Variants in CREB1 observed in about 807,000 individuals in gnomAD.
CREB1 encodes cAMP responsive element binding protein 1.
A neutral mutation model predicts 42.0 loss-of-function variants in CREB1; 2 were observed. The ratio of observed to expected loss-of-function variants is 0.05; its 90% CI spans 0.02 to 0.15. CREB1 has a LOEUF of 0.15. Ranked by LOEUF, CREB1 falls within the 10% of genes least tolerant of loss-of-function variation. The pLI is 1.00. For missense variants in CREB1, 199 were observed against 388.9 expected (o/e 0.51, Z 4.11); for synonymous variants, 123 against 139.9 (o/e 0.88, Z 0.85).
intron 1 of CREB1, among the ~76,000 whole-genome samples, chr2:207,552,366 T>C (rs960745938): frequency 6.6e-6 from 1 of 152,124 alleles, no homozygotes; most frequent in African/African-American, 2.4e-5. Context: ...CAATGTGTTG[T>C]AAATAAAAAT....
rs1250974563 is a variant in CREB1 at position 207,596,840 on chromosome 2, A to G, written c.840-74A>G. On this transcript the variant is annotated intron_variant, in intron 7 of 7. Coordinates refer to ENST00000353267, the MANE Select transcript of CREB1 (RefSeq NM_004379.5). ...GCTGTGAGCTATTTCTTTAAAAAAG[A>G]AAAAAAAAAGGTAATCCAAAATAAA... 7 of 1,332,310 alleles carry G rather than the reference A, an allele frequency of 5.3e-6. No individual in the cohort carries two copies. The African/African-American group carries it at 5.7e-5, about 11-fold the overall frequency. The allele number at this position is 1,332,310 out of a possible 1,614,324, so 82.5% of individuals were successfully genotyped here. A position where few individuals can be genotyped will look rare whatever the true frequency, so the allele number is the denominator to read the frequency against.
At chr2:207,576,670 A>T (rs1344120377) in intron 6 of CREB1, 3 of 1,289,894 alleles carry the variant, frequency 2.3e-6, no homozygotes, top group Non-Finnish European at 3.0e-6. Context: ...GTGAATTTGA[A>T]TTCTGAACGT....
chr2:207,557,984 C>T (rs2081798873), intron 2 of CREB1, among the ~76,000 whole-genome samples: 1 of 152,128 alleles, frequency 6.6e-6, no homozygotes, highest in South Asian at 2.1e-4. Context: ...GGTTATGGTT[C>T]TCAAACTTCA....
chr2:207,543,403 A>G (rs2081172732), intron 1 of CREB1, among the ~76,000 whole-genome samples: 1 of 152,202 alleles, frequency 6.6e-6, no homozygotes, highest in African/African-American at 2.4e-5. Flanking sequence ...GGAAATTCAC[A>G]GTTACAAACA....
chr2:207,589,180 C>T (rs1441069399), intron 7 of CREB1, among the ~76,000 whole-genome samples: 2 of 152,114 alleles, frequency 1.3e-5, no homozygotes, highest in Non-Finnish European at 2.9e-5. Context: ...AGATCAGAGG[C>T]CTTCATTGGA....
intron 7 of CREB1, among the ~76,000 whole-genome samples, chr2:207,590,107 TAA>T (rs1256198113): frequency 7.4e-6 from 1 of 135,680 alleles, no homozygotes; most frequent in Non-Finnish European, 1.6e-5. Context: ...TTTTTTTTTT[TAA>T]TAGATACGGG....
intron 1 of CREB1, among the ~76,000 whole-genome samples, chr2:207,536,695 C>T (rs901976372): frequency 2.6e-5 from 4 of 151,954 alleles, no homozygotes; most frequent in Admixed American, 2.6e-4. Context: ...TAAAATATTA[C>T]TATGTGCTAT....
chr2:207,574,389 C>A (rs982243730), intron 5 of CREB1, among the ~76,000 whole-genome samples: 1 of 152,178 alleles, frequency 6.6e-6, no homozygotes, highest in Non-Finnish European at 1.5e-5. Context: ...AGGATATTGC[C>A]ACCTATCTAA....
chr2:207,599,093 T>C lies in CREB1; in HGVS notation c.*2035T>C, dbSNP rs1034538877. 2 of 190,562 alleles carry C rather than the reference T, an allele frequency of 1.0e-5. No homozygotes were observed. Among genetic ancestry groups the C allele is most frequent in the African/African-American group, 2.3e-5 (1 of 42,946 alleles). The allele number at this position is 190,562 out of a possible 1,614,324, so 11.8% of individuals were successfully genotyped here. ...TCTTTTTTCAAGGATGAACAGAGTT[T>C]ATGAAGGAGCATCATTCTAAGAATT... On this transcript the variant is annotated 3_prime_UTR_variant, in exon 8 of 8. Coordinates refer to ENST00000353267, the MANE Select transcript of CREB1 (RefSeq NM_004379.5).
intron 1 of CREB1, among the ~76,000 whole-genome samples, chr2:207,534,163 ATAAAG>A (rs2106332584): frequency 6.6e-6 from 1 of 152,360 alleles, no homozygotes; most frequent in South Asian, 2.1e-4. Flanking sequence ...GGGGTTAACT[ATAAAG>A]TAATACATAC....
intron 2 of CREB1, chr2:207,559,319 C>A: frequency 2.0e-6 from 2 of 978,354 alleles, no homozygotes; most frequent in Non-Finnish European, 2.4e-6. Flanking sequence ...TCCCTGATAG[C>A]CTCCCCTTCT....
chr2:207,566,419 C>T lies in CREB1; in HGVS notation c.262-1044C>T, dbSNP rs181373442. 2.2e-3 allele frequency among the ~76,000 whole-genome samples: 342 copies of T among 152,274 alleles called. 3 individuals carry two copies. The highest frequency in any genetic ancestry group is 7.4e-3 in the African/African-American group (306 of 41,550). On this transcript the variant is annotated intron_variant, in intron 3 of 7. Coordinates refer to ENST00000353267, the MANE Select transcript of CREB1 (RefSeq NM_004379.5). ...GCCCCTAGTTCAGGAAAGAGCATAACGTTTCTGCTGATTAGAGAAACTTGG... is the reference window on the plus strand; with the variant it reads ...GCCCCTAGTTCAGGAAAGAGCATAATGTTTCTGCTGATTAGAGAAACTTGG...
At chr2:207,582,918 A>T (rs12478868) in intron 7 of CREB1, 173,772 of 256,432 alleles carry the variant, frequency 0.68, 60,943 homozygotes, top group East Asian at 0.96. Flanking sequence ...AACAAAAAAA[A>T]ATATATATAT....
chr2:207,536,645 A>G (rs2080882046), intron 1 of CREB1, among the ~76,000 whole-genome samples: 1 of 152,174 alleles, frequency 6.6e-6, no homozygotes, highest in Non-Finnish European at 1.5e-5. Context: ...AAAGTTTTTA[A>G]TGTAAGAATA....
intron 1 of CREB1, among the ~76,000 whole-genome samples, chr2:207,535,505 CATTT>C (rs1327199749): frequency 6.6e-6 from 1 of 151,892 alleles, no homozygotes; most frequent in Non-Finnish European, 1.5e-5. Context: ...TCCCTGCATT[CATTT>C]ATTTTTTACA....
rs2086964091 is a variant in CREB1, at chr2:207,601,044, A to G, written c.*3986A>G. 1.6e-5 allele frequency: 3 copies of G among 190,060 alleles called. No individual in the cohort carries two copies. Among genetic ancestry groups the G allele is most frequent in the Non-Finnish European group, 3.3e-5 (3 of 90,668 alleles). 11.8% of individuals were successfully genotyped at this position (190,060 alleles called of 1,614,324 possible). A position where few individuals can be genotyped will look rare whatever the true frequency, so the allele number is the denominator to read the frequency against. The stretch of plus-strand genomic sequence containing the variant: ...CATTTTGCAGGATTAAGTAGGGCTA[A>G]TGTATCTTAAAGTTAAGATCTTGAA... On this transcript the variant is annotated 3_prime_UTR_variant, in exon 8 of 8. Coordinates refer to ENST00000353267, the MANE Select transcript of CREB1 (RefSeq NM_004379.5).
chr2:207,563,698 C>T (rs546765755), intron 3 of CREB1, among the ~76,000 whole-genome samples: 8 of 152,280 alleles, frequency 5.3e-5, no homozygotes, highest in African/African-American at 1.9e-4. Context: ...AATCCCAGCA[C>T]TTTGGGAGGC....
At position 207,548,151 on chromosome 2, in the gene CREB1, G is replaced by A. The variant is rs192508393; in HGVS notation, c.-8-7477G>A. Among the ~76,000 whole-genome samples the A allele has an allele frequency of 3.1e-4, 47 of 152,036 alleles. 1 individual carries two copies. The East Asian group carries it at 8.4e-3, about 27-fold the overall frequency. ...TTTCACAATGTTGGCCAGGCAGATC[G>A]CAAACTGCCTCAAGTAATCTGCCCG... On this transcript the variant is annotated intron_variant, in intron 1 of 7. Transcript: ENST00000353267.
intron 1 of CREB1, among the ~76,000 whole-genome samples, chr2:207,538,113 C>T (rs763778117): frequency 3.9e-5 from 6 of 152,148 alleles, no homozygotes; most frequent in Non-Finnish European, 8.8e-5. Flanking sequence ...TTTTTCATGG[C>T]ATCATGTCAG....
Sources: gnomAD v4.1 joint callset for allele counts (sites outside exome capture counted in the v4.1 genomes callset) on GRCh38, gnomAD v4.1.1 for gene constraint, MANE v1.5 for transcripts, NCBI Gene and HGNC (gene_info 2026-07-23, HGNC 2026-07-21) for gene names.